The following LARP1 variants were observed in gnomAD, a reference collection of about 807,000 sequenced individuals.
LARP1 encodes the protein la-related protein 1.
In LARP1, 36 loss-of-function variants were observed where a neutral mutation model predicts 122.7. That is an observed-to-expected ratio of 0.29 (90% CI 0.22 to 0.39). The LOEUF (loss-of-function observed/expected upper bound fraction) is 0.39. Ranked by LOEUF, LARP1 falls within the 10% of genes least tolerant of loss-of-function variation. The probability of loss-of-function intolerance (pLI) is 1.00; values close to 1 mark genes in which losing one functional copy is unlikely to be tolerated. For missense variants in LARP1, 1,040 were observed against 1,403.6 expected, an observed-to-expected ratio of 0.74 and a Z score of 4.14; for synonymous variants, 539 against 528.7, an observed-to-expected ratio of 1.02 and a Z score of -0.27.
chr5:154,756,423 TGGGCCGCAGCGG>T, intron 1 of LARP1: 2 of 994,604 alleles, frequency 2.0e-6, no homozygotes, highest in Admixed American at 6.1e-5. Context: ...GGCCACCGCC[TGGGCCGCAGCGG>T]TTAGTGGGCA....
intron 1 of LARP1, among the ~76,000 whole-genome samples, chr5:154,691,252 A>C (rs1582142433): frequency 8.6e-6 from 1 of 115,898 alleles, no homozygotes; most frequent in African/African-American, 3.7e-5. Flanking sequence ...ACAGAGGGAG[A>C]CTCCGTCTCA....
intron 1 of LARP1, among the ~76,000 whole-genome samples, chr5:154,723,833 GA>G (rs1394130688): frequency 6.6e-6 from 1 of 152,036 alleles, no homozygotes; most frequent in Non-Finnish European, 1.5e-5. Context: ...ACTTGTTGCG[GA>G]ACAAGTGGGG....
At chr5:154,689,940 G>A (rs1231766643) in intron 1 of LARP1, among the ~76,000 whole-genome samples, 5 of 152,150 alleles carry the variant, frequency 3.3e-5, no homozygotes, top group Non-Finnish European at 5.9e-5. Flanking sequence ...TTAGCTGGGC[G>A]TGGTGGCACG....
intron 10 of LARP1, among the ~76,000 whole-genome samples, chr5:154,801,346 A>G (rs1382672788): frequency 2.0e-5 from 3 of 152,184 alleles, no homozygotes; most frequent in African/African-American, 7.2e-5. Flanking sequence ...TCTTAGTCAC[A>G]GTTGACTAAG....
rs1482834031 is a variant in LARP1, at chr5:154,799,973, G to C, written c.1647G>C (p.Leu549=). 1.1e-5 allele frequency: 17 copies of C among 1,614,216 alleles called. No individual in the cohort carries two copies. Among genetic ancestry groups the C allele is most frequent in the Middle Eastern group, 1.7e-4 (1 of 6,046 alleles). The change falls in exon 10 of 19, where the codon CTG becomes CTC. Residue 549 remains leucine, a synonymous_variant. Coordinates refer to ENST00000518297, the MANE Select transcript of LARP1 (RefSeq NM_033551.3). The part of the protein sequence containing the change: ...KTLPKGLSAS[L]PDLDSENWIE... The stretch of plus-strand genomic sequence containing the variant: ...TACCCAAGGGCCTGTCTGCCAGCCT[G>C]CCTGACCTGGATTCTGAGAACTGGA...
chr5:154,695,750 G>GGCC (rs1754441975), intron 1 of LARP1, among the ~76,000 whole-genome samples: 1 of 152,118 alleles, frequency 6.6e-6, no homozygotes, highest in Non-Finnish European at 1.5e-5. Context: ...ACGCATACCT[G>GGCC]TAATCCCAGC....
intron 1 of LARP1, among the ~76,000 whole-genome samples, chr5:154,788,603 C>T (rs1006866372): frequency 6.6e-6 from 1 of 152,078 alleles, no homozygotes; most frequent in Admixed American, 6.6e-5. Context: ...GGGGAGAAGT[C>T]GGTGAGCAGA....
chr5:154,786,847 T>C (rs1056427522), intron 1 of LARP1, among the ~76,000 whole-genome samples: 1 of 152,096 alleles, frequency 6.6e-6, no homozygotes, highest in African/African-American at 2.4e-5. Context: ...TTGAGTGGAT[T>C]AGAACTATGG....
At chr5:154,725,341 A>G (rs1161437042) in intron 1 of LARP1, among the ~76,000 whole-genome samples, 1 of 150,304 alleles carries the variant, frequency 6.7e-6, no homozygotes, top group Non-Finnish European at 1.5e-5. Context: ...GTAAGCTGAA[A>G]TCGTGCCCCT....
At chr5:154,770,942 G>A (rs772780785) in intron 1 of LARP1, among the ~76,000 whole-genome samples, 7 of 151,838 alleles carry the variant, frequency 4.6e-5, no homozygotes, top group East Asian at 3.9e-4. Context: ...GTGAAACCCC[G>A]TCTCTACAAA....
At chr5:154,752,132 GA>G (rs1322338748), upstream of LARP1, among the ~76,000 whole-genome samples, 4 of 152,246 alleles carry the variant, frequency 2.6e-5, no homozygotes, top group Admixed American at 2.0e-4. Flanking sequence ...TTTTAATGTA[GA>G]AAAAACTACT....
chr5:154,808,447 CT>C lies in LARP1; in HGVS notation c.2699-9del. 6.2e-7 allele frequency: 1 copy of C among 1,609,120 alleles called. No homozygotes were observed. Among genetic ancestry groups the C allele is most frequent in the Non-Finnish European group, 8.5e-7 (1 of 1,178,138 alleles). ...ACCTGAGACATGCCTTTCCTCCTTT[CT>C]TTCCCATCAGAGCGGAAACGCTTGG... On this transcript the variant is annotated splice_polypyrimidine_tract_variant and intron_variant, in intron 15 of 18. Transcript: ENST00000518297.
chr5:154,814,191 G>A lies in LARP1; in HGVS notation c.*95G>A. ...GTCCCAGGAAAGGGGACAATGAAGG[G>A]ACAGGCCTGGAGTTACTAGGACAGG... On this transcript the variant is annotated 3_prime_UTR_variant, in exon 19 of 19. Coordinates refer to ENST00000518297, the MANE Select transcript of LARP1 (RefSeq NM_033551.3). The A allele has an allele frequency of 1.6e-6, 2 of 1,255,494 alleles. No homozygotes were observed. The highest frequency in any genetic ancestry group is 2.3e-6 in the Non-Finnish European group (2 of 884,720). 77.8% of individuals were successfully genotyped at this position (1,255,494 alleles called of 1,614,324 possible). A position where few individuals can be genotyped will look rare whatever the true frequency, so the allele number is the denominator to read the frequency against.
intron 1 of LARP1, among the ~76,000 whole-genome samples, chr5:154,730,884 T>G (rs1274288414): frequency 6.6e-6 from 1 of 150,772 alleles, no homozygotes; most frequent in Non-Finnish European, 1.5e-5. Context: ...TTTTTTTTTT[T>G]TGAGACAGAG....
In LARP1 at chr5:154,808,438, T is replaced by C. The variant is rs756510433; in HGVS notation, c.2699-21T>C. 5.0e-6 allele frequency: 8 copies of C among 1,608,196 alleles called. No individual in the cohort carries two copies. The African/African-American group carries it at 8.0e-5, about 16-fold the overall frequency. ...GCAGCCTGAACCTGAGACATGCCTT[T>C]CCTCCTTTCTTTCCCATCAGAGCGG... On this transcript the variant is annotated intron_variant, in intron 15 of 18. Transcript: ENST00000518297.
At chr5:154,771,650 A>G (rs919472666) in intron 1 of LARP1, among the ~76,000 whole-genome samples, 31 of 152,212 alleles carry the variant, frequency 2.0e-4, no homozygotes, top group African/African-American at 7.2e-4. Context: ...GTTACGGCCC[A>G]GCCTAGACGC....
chr5:154,793,764 A>G (rs1035656381), intron 5 of LARP1, 36 bp from the exon 6 acceptor site: 1 of 1,614,046 alleles, frequency 6.2e-7, no homozygotes, highest in African/African-American at 1.3e-5. Context: ...CTTGGGAGAC[A>G]CCCTCAGGCC....
chr5:154,747,109 G>A (rs542151393), intron 1 of LARP1, among the ~76,000 whole-genome samples: 11 of 151,916 alleles, frequency 7.2e-5, no homozygotes, highest in South Asian at 6.2e-4. Flanking sequence ...CAGCCTGGGC[G>A]ACAGGGCGAG....
intron 1 of LARP1, among the ~76,000 whole-genome samples, chr5:154,774,793 C>CTT (rs1315290730): frequency 1.3e-5 from 2 of 152,114 alleles, no homozygotes; most frequent in Non-Finnish European, 2.9e-5. Flanking sequence ...TCTAAAAGGG[C>CTT]TTTGGTCACT....
Sources: allele counts gnomAD v4.1 joint callset (sites outside exome capture counted in the v4.1 genomes callset), GRCh38; gene constraint gnomAD v4.1.1; transcripts MANE v1.5; gene names NCBI Gene and HGNC (gene_info 2026-07-23, HGNC 2026-07-21).